The following CHL1 variants were observed in gnomAD, a reference collection of about 807,000 sequenced individuals.
The protein encoded by CHL1 is cell adhesion molecule L1 like.
A neutral mutation model predicts 141.9 loss-of-function variants in CHL1; 96 were observed. The observed-to-expected ratio is 0.68, with a 90% CI of 0.57 to 0.80. CHL1 has a LOEUF of 0.80. CHL1 is among the 30% of genes least tolerant of loss of function. CHL1 has a pLI of 0.00. For synonymous variants in CHL1, 613 were observed against 502.2 expected (o/e 1.22, Z -2.95); for missense variants, 1,820 against 1,457.2 (o/e 1.25, Z -4.05).
chr3:199,023 C>G (rs1254074693), intron 1 of CHL1, among the ~76,000 whole-genome samples: 1 of 152,170 alleles, frequency 6.6e-6, no homozygotes, highest in Non-Finnish European at 1.5e-5. Flanking sequence ...TTTGTGTTTT[C>G]TCTTTCACCT....
chr3:318,592 T>C (rs1260682914), intron 2 of CHL1, among the ~76,000 whole-genome samples: 3 of 151,698 alleles, frequency 2.0e-5, no homozygotes, highest in Non-Finnish European at 4.4e-5. Context: ...ATTCTTATTC[T>C]ATTTCTGTAA....
At chr3:280,209 G>A (rs535038000) in intron 2 of CHL1, among the ~76,000 whole-genome samples, 57 of 150,226 alleles carry the variant, frequency 3.8e-4, no homozygotes, top group African/African-American at 1.3e-3. Flanking sequence ...GTAGAGTCTA[G>A]GCATTTTTTT....
At chr3:335,617 T>C (rs1355202805) in intron 5 of CHL1, among the ~76,000 whole-genome samples, 1 of 152,050 alleles carries the variant, frequency 6.6e-6, no homozygotes, top group Admixed American at 6.6e-5. Context: ...GTAAACGGAG[T>C]GCCAAGTCAA....
chr3:395,922 T>C (rs535550084), intron 24 of CHL1, among the ~76,000 whole-genome samples: 1 of 152,302 alleles, frequency 6.6e-6, no homozygotes, highest in East Asian at 1.9e-4. Flanking sequence ...TTAAAATATA[T>C]TCAAGCTTGT....
intron 7 of CHL1, among the ~76,000 whole-genome samples, chr3:342,609 A>G (rs1234019011): frequency 6.6e-6 from 1 of 152,172 alleles, no homozygotes; most frequent in African/African-American, 2.4e-5. Context: ...ATAATCCCCA[A>G]CAGTTTGCTG....
chr3:225,144 CA>C (rs1306398854), intron 1 of CHL1, among the ~76,000 whole-genome samples: 3 of 152,074 alleles, frequency 2.0e-5, no homozygotes, highest in Non-Finnish European at 4.4e-5. Context: ...AAAAAGAACT[CA>C]AAAAGATTGT....
At chr3:263,080 G>A (rs900263152) in intron 2 of CHL1, among the ~76,000 whole-genome samples, 3 of 152,178 alleles carry the variant, frequency 2.0e-5, no homozygotes, top group African/African-American at 7.2e-5. Context: ...GGGAAATTTG[G>A]AGAGTAGATT....
intron 2 of CHL1, among the ~76,000 whole-genome samples, chr3:291,705 T>A (rs186130055): frequency 2.6e-4 from 39 of 152,184 alleles, no homozygotes; most frequent in Admixed American, 4.6e-4. Flanking sequence ...CTCATTTTTT[T>A]AAAATACTGA....
Position 405,986 on chromosome 3 carries a change from A to G in CHL1, c.*275A>G. 1 of 358,696 alleles carries G rather than the reference A, an allele frequency of 2.8e-6. No individual in the cohort carries two copies. Among genetic ancestry groups the G allele is most frequent in the East Asian group, 6.1e-5 (1 of 16,374 alleles). The allele number at this position is 358,696 out of a possible 1,614,324, so 22.2% of individuals were successfully genotyped here. On this transcript the variant is annotated 3_prime_UTR_variant, in exon 28 of 28. Transcript: ENST00000256509. ...ATTTAGATACACCTCAACTAAATCCAAAGTCCCCATTCAGTATATTCCATA... is the reference window on the plus strand; with the variant it reads ...ATTTAGATACACCTCAACTAAATCCGAAGTCCCCATTCAGTATATTCCATA...
At position 342,071 on chromosome 3, in the gene CHL1, C is replaced by T. The variant is rs1382472110; in HGVS notation, c.668C>T (p.Thr223Ile). 1 of 1,608,846 alleles carries T rather than the reference C, an allele frequency of 6.2e-7. No homozygotes were observed. The highest frequency in any genetic ancestry group is 8.5e-7 in the Non-Finnish European group (1 of 1,175,972). The change falls in exon 7 of 28, where the codon ACA becomes ATA. Residue 223 changes from threonine (T) to isoleucine (I), a missense_variant. By Grantham distance (89) the Thr-to-Ile change is moderately conservative (BLOSUM62 -1). Transcript: ENST00000256509. ...GTACAGAAAATGCCAATGAAACTAA[C>T]AGTTAACAGTTGTAAGTCCACATAA... Reference protein sequence around the residue: ...TIVQKMPMKLTVNSLKHANDS... With the variant: ...TIVQKMPMKLIVNSLKHANDS...
chr3:405,381 G>A, intron 27 of CHL1, 114 bp from the exon 28 acceptor site: 3 of 688,766 alleles, frequency 4.4e-6, no homozygotes, highest in East Asian at 5.5e-5. Flanking sequence ...TGTCTTCAAT[G>A]CTAACACAAA....
At chr3:225,336 GACAA>G (rs1443795263) in intron 1 of CHL1, among the ~76,000 whole-genome samples, 18 of 152,256 alleles carry the variant, frequency 1.2e-4, no homozygotes, top group Admixed American at 3.3e-4. Context: ...ATGATTAATA[GACAA>G]ACAATAAGTG....
intron 12 of CHL1, 110 bp from the exon 13 acceptor site, chr3:361,589 T>G: frequency 1.4e-6 from 1 of 697,372 alleles, no homozygotes; most frequent in Non-Finnish European, 2.6e-6. Flanking sequence ...GACACCATAA[T>G]ATTCTGCTGT....
chr3:258,921 C>T (rs1412872348), intron 2 of CHL1, among the ~76,000 whole-genome samples: 1 of 148,396 alleles, frequency 6.7e-6, no homozygotes. Context: ...TTATTTTAAA[C>T]GTATGGCAAC....
chr3:291,031 T>G (rs1484130560), intron 2 of CHL1, among the ~76,000 whole-genome samples: 6 of 152,008 alleles, frequency 3.9e-5, no homozygotes, highest in Non-Finnish European at 5.9e-5. Flanking sequence ...CTTAATAACA[T>G]AGTCATTGAA....
chr3:331,286 G>A (rs1417664209), intron 5 of CHL1, among the ~76,000 whole-genome samples: 2 of 152,216 alleles, frequency 1.3e-5, no homozygotes, highest in African/African-American at 4.8e-5. Context: ...GTGCAGTGGT[G>A]CAGTCATGGC....
intron 18 of CHL1, among the ~76,000 whole-genome samples, chr3:383,273 C>G (rs1707278789): frequency 1.3e-5 from 2 of 152,134 alleles, no homozygotes; most frequent in South Asian, 4.1e-4. Context: ...GCATGTCAAC[C>G]TTTGCACTAA....
chr3:293,805 A>ATT (rs35981953), intron 2 of CHL1, among the ~76,000 whole-genome samples: 1,449 of 141,908 alleles, frequency 0.01, 12 homozygotes, highest in Non-Finnish European at 0.017. Flanking sequence ...GCTGGAGAAG[A>ATT]TTTTTTTTTT....
rs116424257 is a variant in CHL1 at position 386,828 on chromosome 3, T to C, written c.2248-2424T>C. ...AAGTGGAATTAAATGAAATATTGTATAACATAATGACTATAGTAGATAACA... is the reference window on the plus strand; with the variant it reads ...AAGTGGAATTAAATGAAATATTGTACAACATAATGACTATAGTAGATAACA... On this transcript the variant is annotated intron_variant, in intron 19 of 27. Coordinates refer to ENST00000256509, the MANE Select transcript of CHL1 (RefSeq NM_006614.4). Among the ~76,000 whole-genome samples, 1,469 of 152,278 alleles carry C rather than the reference T, an allele frequency of 9.6e-3. 11 individuals are homozygous for C. The highest frequency in any genetic ancestry group is 0.034 in the Middle Eastern group (10 of 294).
Sources: gnomAD v4.1 joint callset for allele counts (sites outside exome capture counted in the v4.1 genomes callset) on GRCh38, gnomAD v4.1.1 for gene constraint, MANE v1.5 for transcripts, NCBI Gene and HGNC (gene_info 2026-07-23, HGNC 2026-07-21) for gene names.